ARID3A: variants seen among roughly 807,000 people sequenced by gnomAD.
ARID3A encodes the protein AT-rich interaction domain 3A, also known as AT-rich interactive domain-containing protein 3A.
Under a neutral mutation model 52.7 loss-of-function variants are expected in ARID3A, and 11 were observed. The ratio of observed to expected loss-of-function variants is 0.21; its 90% CI spans 0.13 to 0.35. ARID3A has a LOEUF of 0.35. Among genes scored for constraint, ARID3A ranks in the 10% least tolerant of loss-of-function variants. ARID3A has a pLI of 1.00. For missense variants in ARID3A, 721 were observed against 838.5 expected (o/e 0.86, Z 1.73); for synonymous variants, 404 against 359.4 (o/e 1.12, Z -1.40).
rs750083906 is a variant in ARID3A at position 932,459 on chromosome 19, G to T, written c.410G>T (p.Gly137Val). Residue 137 changes from glycine to valine, a missense_variant, in exon 3 of 9, where the codon GGG becomes GTG. Around this residue, in one of 5 missense-constraint regions of ARID3A, gnomAD observed 349 missense variants for 297.3 expected, o/e 1.17. Transcript: ENST00000263620. The stretch of plus-strand genomic sequence containing the variant: ...GAGGAGGAGATGGAGGAAGACCTCG[G>T]GGAGGATGAGGAGGAGGAGGAGGAG... ...WEEEEMEEDL[G>V]EDEEEEEEDY... The T allele has an allele frequency of 6.3e-7, 1 of 1,585,916 alleles. No individual in the cohort carries two copies. Among genetic ancestry groups the T allele is most frequent in the Non-Finnish European group, 8.5e-7 (1 of 1,172,582 alleles).
In ARID3A at chr19:929,876, C is replaced by T. The variant is rs1309047838; in HGVS notation, c.348C>T (p.Asp116=). 6.5e-7 allele frequency: 1 copy of T among 1,542,860 alleles called. No individual in the cohort carries two copies. The highest frequency in any genetic ancestry group is 2.0e-5 in the Admixed American group (1 of 51,002). Residue 116 remains aspartate, a synonymous_variant, in exon 2 of 9, where the codon GAC becomes GAT. Transcript: ENST00000263620. This position sits in a 1 kb window ranked among gnomAD's most constrained non-coding sequence, Gnocchi z 6.2. ...GGCCAGGAGAGGAGCACTTTGAGGA[C>T]ATGGCCTCCGACGAGGACATGTGAG... The part of the protein sequence containing the change: ...REGPGEEHFE[D]MASDEDMKPK...
chr19:962,280 C>T (rs1033927037), intron 4 of ARID3A, among the ~76,000 whole-genome samples: 9 of 152,084 alleles, frequency 5.9e-5, no homozygotes, highest in Non-Finnish European at 8.8e-5. Context: ...AACTAAATTT[C>T]TCAGAATTCT....
At chr19:935,175 T>G (rs143681539) in intron 3 of ARID3A, among the ~76,000 whole-genome samples, 2 of 152,312 alleles carry the variant, frequency 1.3e-5, no homozygotes, top group Non-Finnish European at 2.9e-5. Flanking sequence ...CTGGCAGGGC[T>G]CGGGGCTAAC....
At position 932,405 on chromosome 19, in the gene ARID3A, C is replaced by T. The variant is rs778347773; in HGVS notation, c.369-13C>T. On this transcript the variant is annotated splice_polypyrimidine_tract_variant and intron_variant, in intron 2 of 8. Coordinates refer to ENST00000263620, the MANE Select transcript of ARID3A (RefSeq NM_005224.3). ...CACCTTCTCCCCTGACTCCTGCCCTCTGCTCACCCCAGGAAGCCCAAATGG... is the reference window on the plus strand; with the variant it reads ...CACCTTCTCCCCTGACTCCTGCCCTTTGCTCACCCCAGGAAGCCCAAATGG... 2.5e-6 allele frequency: 4 copies of T among 1,594,116 alleles called. No individual in the cohort carries two copies. The highest frequency in any genetic ancestry group is 2.1e-4 in the Middle Eastern group (1 of 4,738).
chr19:975,157 G>A lies in ARID3A; in HGVS notation c.*3092G>A. The stretch of plus-strand genomic sequence containing the variant: ...CCCCCCTTATGCAGACTGGGAGGGG[G>A]TCGGGCAGTCCCCTCAGCCACGAGG... On this transcript the variant is annotated 3_prime_UTR_variant, in exon 9 of 9. Coordinates refer to ENST00000263620, the MANE Select transcript of ARID3A (RefSeq NM_005224.3). 4.3e-6 allele frequency: 1 copy of A among 231,648 alleles called. No homozygotes were observed. 14.3% of individuals were successfully genotyped at this position (231,648 alleles called of 1,614,324 possible). A position where few individuals can be genotyped will look rare whatever the true frequency, so the allele number is the denominator to read the frequency against.
At chr19:933,028 G>A (rs1233692413) in intron 3 of ARID3A, among the ~76,000 whole-genome samples, 1 of 152,196 alleles carries the variant, frequency 6.6e-6, no homozygotes, top group Non-Finnish European at 1.5e-5. Context: ...AGATGGAAAG[G>A]TGGGCCTGGG....
At chr19:957,547 C>A (rs1599415452) in intron 3 of ARID3A, among the ~76,000 whole-genome samples, 1 of 152,180 alleles carries the variant, frequency 6.6e-6, no homozygotes, top group East Asian at 1.9e-4. Context: ...AAATTGTGTC[C>A]CCCAAAGAAA....
rs1637993 is a variant in ARID3A, at chr19:960,187, G to T, written c.766+23G>T. 4.6e-5 allele frequency: 73 copies of T among 1,598,222 alleles called. 1 individual carries two copies. In the Admixed American group the frequency reaches 1.2e-3, roughly 26 times the overall value. Reference sequence around the variant, plus strand: ...GAGGTGAGCCCTCTGCCCCCACCCCGCTGGAGGGAGGTCACAGAAACAGGG... The same window carrying T: ...GAGGTGAGCCCTCTGCCCCCACCCCTCTGGAGGGAGGTCACAGAAACAGGG... On this transcript the variant is annotated intron_variant, in intron 4 of 8. Coordinates refer to ENST00000263620, the MANE Select transcript of ARID3A (RefSeq NM_005224.3). The surrounding 1 kb of genome is among the most constrained non-coding windows in gnomAD (Gnocchi z 4.3).
upstream of ARID3A, chr19:925,961 C>G (rs1261325441): frequency 1.1e-5 from 1 of 91,148 alleles, no homozygotes; most frequent in Non-Finnish European, 2.1e-5. Context: ...GGTGATTTGT[C>G]TGGGGGTGGG....
intron 3 of ARID3A, among the ~76,000 whole-genome samples, chr19:933,934 G>A (rs564997803): frequency 6.6e-6 from 1 of 151,500 alleles, no homozygotes; most frequent in East Asian, 2.0e-4. Context: ...GGGCCACACT[G>A]CCGCGCGTCC....
At chr19:945,486 G>A (rs2037658925) in intron 3 of ARID3A, among the ~76,000 whole-genome samples, 1 of 152,144 alleles carries the variant, frequency 6.6e-6, no homozygotes, top group Non-Finnish European at 1.5e-5. Context: ...GGGTGGGATG[G>A]TGGGGTGTCC....
rs1252207426 is a variant in ARID3A at position 960,743 on chromosome 19, G to T, written c.766+579G>T. Among the ~76,000 whole-genome samples, 1 of 152,126 alleles carries T rather than the reference G, an allele frequency of 6.6e-6. No homozygotes were observed. Among genetic ancestry groups the T allele is most frequent in the Non-Finnish European group, 1.5e-5 (1 of 68,022 alleles). On this transcript the variant is annotated intron_variant, in intron 4 of 8. Transcript: ENST00000263620. The surrounding 1 kb of genome is among the most constrained non-coding windows in gnomAD (Gnocchi z 4.3). ...CTGCCCAAAACTCAGTGGCCAGCAG[G>T]TACCCCAGATGTGCTGAGTGCAGGG...
Position 959,220 on chromosome 19 carries a change from G to T in ARID3A, c.694-872G>T, listed in dbSNP as rs1480338915. 6.6e-6 allele frequency among the ~76,000 whole-genome samples: 1 copy of T among 152,218 alleles called. No homozygotes were observed. Among genetic ancestry groups the T allele is most frequent in the Non-Finnish European group, 1.5e-5 (1 of 68,042 alleles). ...GAGCCCCCAGAAGCCGTGAGAGGCA[G>T]GAAGGTTCCTCCCTTGGAGACTTCG... On this transcript the variant is annotated intron_variant, in intron 3 of 8. Coordinates refer to ENST00000263620, the MANE Select transcript of ARID3A (RefSeq NM_005224.3). The surrounding 1 kb of genome is among the most constrained non-coding windows in gnomAD (Gnocchi z 5.0).
Position 972,106 on chromosome 19 carries a change from G to T in ARID3A, c.*41G>T. 6.7e-7 allele frequency: 1 copy of T among 1,489,340 alleles called. No individual in the cohort carries two copies. The highest frequency in any genetic ancestry group is 8.9e-7 in the Non-Finnish European group (1 of 1,123,594). 92.3% of individuals were successfully genotyped at this position (1,489,340 alleles called of 1,614,324 possible). A position where few individuals can be genotyped will look rare whatever the true frequency, so the allele number is the denominator to read the frequency against. On this transcript the variant is annotated 3_prime_UTR_variant, in exon 9 of 9. Coordinates refer to ENST00000263620, the MANE Select transcript of ARID3A (RefSeq NM_005224.3). Reference sequence around the variant, plus strand: ...CCCGCCACCCACCCTGGAGCCCGCCGGCCTGGGCAGGGGGTCCAGGTGGGC... The same window carrying T: ...CCCGCCACCCACCCTGGAGCCCGCCTGCCTGGGCAGGGGGTCCAGGTGGGC...
intron 8 of ARID3A, among the ~76,000 whole-genome samples, chr19:970,331 GAA>G (rs2038250061): frequency 6.6e-6 from 1 of 151,450 alleles, no homozygotes; most frequent in Non-Finnish European, 1.5e-5. Flanking sequence ...AAAAAAAAAA[GAA>G]TTAAAAAATT....
intron 3 of ARID3A, among the ~76,000 whole-genome samples, chr19:933,467 G>A (rs988845663): frequency 4.6e-5 from 7 of 152,174 alleles, no homozygotes; most frequent in Non-Finnish European, 8.8e-5. Context: ...TCCAGCCCTC[G>A]TCCAGCTGGG....
chr19:945,037 C>T (rs2037647840), intron 3 of ARID3A, among the ~76,000 whole-genome samples: 1 of 152,264 alleles, frequency 6.6e-6, no homozygotes, highest in African/African-American at 2.4e-5. Context: ...TGGCGCCCTG[C>T]CCAGCCACTG....
chr19:952,260 C>T (rs1033547773), intron 3 of ARID3A, among the ~76,000 whole-genome samples: 1 of 151,726 alleles, frequency 6.6e-6, no homozygotes, highest in Non-Finnish European at 1.5e-5. Flanking sequence ...GCCTGGGCAA[C>T]ATAGCAAGAC....
rs1305903140 is a variant in ARID3A at position 975,560 on chromosome 19, G to A, written c.*3495G>A. 3 of 211,708 alleles carry A rather than the reference G, an allele frequency of 1.4e-5. No homozygotes were observed. The highest frequency in any genetic ancestry group is 7.0e-5 in the East Asian group (1 of 14,346). The allele number at this position is 211,708 out of a possible 1,614,324, so 13.1% of individuals were successfully genotyped here. A position where few individuals can be genotyped will look rare whatever the true frequency, so the allele number is the denominator to read the frequency against. On this transcript the variant is annotated 3_prime_UTR_variant, in exon 9 of 9. Transcript: ENST00000263620. The stretch of plus-strand genomic sequence containing the variant: ...GTTTCTCTGGAGTTTGTCAGACGGC[G>A]TGGGAACCACGCCTGAAACTCAGGT...
Sources: allele counts gnomAD v4.1 joint callset (sites outside exome capture counted in the v4.1 genomes callset), GRCh38; gene constraint gnomAD v4.1.1; regional missense constraint gnomAD v4.1.1; non-coding constraint Gnocchi (gnomAD v3.1); transcripts MANE v1.5; gene names NCBI Gene and HGNC (gene_info 2026-07-23, HGNC 2026-07-21).